ZNF33B: variants seen among roughly 807,000 people sequenced by gnomAD.
ZNF33B encodes the protein zinc finger protein 11b (KOX 2).
Under a neutral mutation model 45.8 loss-of-function variants are expected in ZNF33B, and 29 were observed. The ratio of observed to expected loss-of-function variants is 0.63; its 90% CI spans 0.47 to 0.86. The LOEUF is 0.86. Ranked by LOEUF, ZNF33B falls within the 40% of genes least tolerant of loss-of-function variation. The probability of loss-of-function intolerance (pLI) is 0.00; values close to 1 mark genes in which losing one functional copy is unlikely to be tolerated. For synonymous variants in ZNF33B, 305 were observed against 307.8 expected (o/e 0.99, Z 0.10); for missense variants, 831 against 909.9 (o/e 0.91, Z 1.12).
chr10:42,635,787 C>A (rs186710628), intron 2 of ZNF33B, among the ~76,000 whole-genome samples: 4 of 141,114 alleles, frequency 2.8e-5, no homozygotes, highest in Non-Finnish European at 6.0e-5. Flanking sequence ...TACAGCCTGG[C>A]GACAGAGCAA....
chr10:42,635,418 G>GT (rs905808590), intron 2 of ZNF33B, among the ~76,000 whole-genome samples: 11 of 139,862 alleles, frequency 7.9e-5, no homozygotes, highest in Non-Finnish European at 1.2e-4. Flanking sequence ...GGCTGGCAAT[G>GT]TTTTTTTTGA....
At chr10:42,633,461 C>T (rs1420073633) in intron 2 of ZNF33B, among the ~76,000 whole-genome samples, 1 of 152,178 alleles carries the variant, frequency 6.6e-6, no homozygotes, top group Non-Finnish European at 1.5e-5. Context: ...TTTACATAAA[C>T]TACTGTAGAA....
rs1390126557 is a variant in ZNF33B at position 42,638,566 on chromosome 10, A to G, written c.-137T>C. On this transcript the variant is annotated 5_prime_UTR_variant, in exon 1 of 5. Transcript: ENST00000359467. Reference sequence around the variant, plus strand: ...TCCCACGCAAAACGTGAGACAAACAAAAGGAAAGGCGGAAACGCAGAAACG... The same window carrying G: ...TCCCACGCAAAACGTGAGACAAACAGAAGGAAAGGCGGAAACGCAGAAACG... 5 of 474,570 alleles carry G rather than the reference A, an allele frequency of 1.1e-5. No individual in the cohort carries two copies. Among genetic ancestry groups the G allele is most frequent in the Non-Finnish European group, 2.1e-5 (5 of 237,502 alleles). 29.4% of individuals were successfully genotyped at this position (474,570 alleles called of 1,614,324 possible).
At chr10:42,587,483 C>T (rs1377986111), downstream of ZNF33B, among the ~76,000 whole-genome samples, 2 of 152,132 alleles carry the variant, frequency 1.3e-5, no homozygotes, top group Non-Finnish European at 2.9e-5. Flanking sequence ...TGCTTGGCCT[C>T]CCAAAGTGCT....
At chr10:42,628,212 C>T (rs1838897005) in intron 4 of ZNF33B, among the ~76,000 whole-genome samples, 1 of 152,264 alleles carries the variant, frequency 6.6e-6, no homozygotes, top group Non-Finnish European at 1.5e-5. Context: ...GACAGGATTT[C>T]ACCATATTAT....
chr10:42,608,831 T>A (rs2132087269), intron 4 of ZNF33B, among the ~76,000 whole-genome samples: 1 of 150,442 alleles, frequency 6.6e-6, no homozygotes, highest in East Asian at 2.0e-4. Context: ...AATAGCAGAT[T>A]CCTGGAAAAG....
intron 4 of ZNF33B, among the ~76,000 whole-genome samples, chr10:42,620,955 T>C (rs1282621599): frequency 6.6e-6 from 1 of 152,052 alleles, no homozygotes; most frequent in Non-Finnish European, 1.5e-5. Context: ...TAACTATATA[T>C]GTACCAAGCA....
chr10:42,596,648 T>C (rs1837413211), intron 4 of ZNF33B, among the ~76,000 whole-genome samples: 1 of 152,136 alleles, frequency 6.6e-6, no homozygotes, highest in African/African-American at 2.4e-5. Flanking sequence ...GTTTCTAGTG[T>C]GGTCTTTCAC....
chr10:42,595,858 G>A (rs1450939141), intron 4 of ZNF33B, among the ~76,000 whole-genome samples: 1 of 152,164 alleles, frequency 6.6e-6, no homozygotes, highest in Non-Finnish European at 1.5e-5. Context: ...ACAATTGTGA[G>A]AAAATTTATT....
At chr10:42,579,831 A>C (rs1438620600) in intron 1 of ZNF33B, 1 of 154,402 alleles carries the variant, frequency 6.5e-6, no homozygotes, top group Non-Finnish European at 1.5e-5. Context: ...TGGCCAAAGA[A>C]ATCGGCAGTC....
intron 4 of ZNF33B, among the ~76,000 whole-genome samples, chr10:42,611,328 G>A (rs922736370): frequency 6.6e-6 from 1 of 151,656 alleles, no homozygotes; most frequent in African/African-American, 2.4e-5. Context: ...GTGACGGAGT[G>A]AGACTCCGTC....
chr10:42,588,920 T>A (rs546014450), downstream of ZNF33B, among the ~76,000 whole-genome samples: 100 of 152,304 alleles, frequency 6.6e-4, no homozygotes, highest in African/African-American at 2.2e-3. Context: ...TGAGGTCCTT[T>A]TGGCTTCAGA....
In ZNF33B at chr10:42,593,787, T is replaced by C. The variant is rs755108143; in HGVS notation, c.1163A>G (p.Asn388Ser). ...ATGGCTAAAGGCTTTCCCACATTCA[T>C]TGCATTCAAAAGGTTTCTCCCCTGT... ...SHTGEKPFEC[N>S]ECGKAFSHKS... is the part of the protein sequence containing the mutation. The change falls in exon 5 of 5, where the codon AAT (asparagine) becomes AGT (serine). Residue 388 changes from asparagine to serine, a missense_variant. By Grantham distance (46) the Asn-to-Ser change is conservative. Transcript: ENST00000359467. 6.2e-6 allele frequency: 10 copies of C among 1,613,338 alleles called. No homozygotes were observed. The East Asian group carries it at 1.6e-4, about 25-fold the overall frequency.
At chr10:42,628,728 G>A (rs145408672) in intron 4 of ZNF33B, among the ~76,000 whole-genome samples, 1,960 of 152,178 alleles carry the variant, frequency 0.013, 41 homozygotes, top group African/African-American at 0.045. Flanking sequence ...TAGGATGGGT[G>A]GAGCAAGATG....
intron 2 of ZNF33B, among the ~76,000 whole-genome samples, chr10:42,636,638 A>G (rs1446070885): frequency 6.6e-6 from 1 of 152,206 alleles, no homozygotes; most frequent in Non-Finnish European, 1.5e-5. Flanking sequence ...CCAGGGCAAC[A>G]CGGTGAACAC....
In ZNF33B at chr10:42,583,042, C is replaced by T. The variant is rs540483661; in HGVS notation, c.74-8364G>A. 1.2e-4 allele frequency: 96 copies of T among 832,010 alleles called. No individual in the cohort carries two copies. The East Asian group carries it at 2.2e-3, about 19-fold the overall frequency. The allele number at this position is 832,010 out of a possible 1,614,324, so 51.5% of individuals were successfully genotyped here. A position where few individuals can be genotyped will look rare whatever the true frequency, so the allele number is the denominator to read the frequency against. On this transcript the variant is annotated intron_variant, in intron 1 of 1. Transcript: ENST00000462075. ...CATTGATCTTCCAGTCCTGGTGTGG[C>T]AGGCAGTGCAGAGTCCTCTTCTTCC...
intron 4 of ZNF33B, among the ~76,000 whole-genome samples, chr10:42,605,756 A>G (rs1327430912): frequency 6.6e-6 from 1 of 152,186 alleles, no homozygotes; most frequent in Non-Finnish European, 1.5e-5. Context: ...GTCAATGTTT[A>G]TAATTGTATT....
chr10:42,601,731 C>CAG (rs1250761397), intron 4 of ZNF33B, among the ~76,000 whole-genome samples: 2 of 152,032 alleles, frequency 1.3e-5, no homozygotes, highest in African/African-American at 4.8e-5. Flanking sequence ...CTTGGCTTCT[C>CAG]AAAGTGCTGG....
At chr10:42,627,830 C>T (rs114962710) in intron 4 of ZNF33B, among the ~76,000 whole-genome samples, 2,583 of 150,124 alleles carry the variant, frequency 0.017, 78 homozygotes, top group African/African-American at 0.062. Flanking sequence ...TTATATATTT[C>T]CCTATTGTCA....
Sources: gnomAD v4.1 joint callset for allele counts (sites outside exome capture counted in the v4.1 genomes callset) on GRCh38, gnomAD v4.1.1 for gene constraint, MANE v1.5 for transcripts, NCBI Gene and HGNC (gene_info 2026-07-23, HGNC 2026-07-21) for gene names.